The following RANBP2 variants were observed in gnomAD, a reference collection of about 807,000 sequenced individuals.
RANBP2 encodes E3 SUMO-protein ligase RanBP2.
RANBP2 carries 57 observed loss-of-function variants against 303.6 expected under a neutral mutation model. The observed-to-expected ratio is 0.19, with a 90% CI of 0.15 to 0.23. The LOEUF is 0.23. RANBP2 is among the 10% of genes least tolerant of loss of function. RANBP2 has a pLI of 1.00. For missense variants in RANBP2, 3,138 were observed against 3,780.8 expected (o/e 0.83, Z 4.46); for synonymous variants, 1,167 against 1,301.5 (o/e 0.90, Z 2.23).
At chr2:109,089,384 T>A in the RANBP2 span, among the ~76,000 whole-genome samples, 1 of 151,738 alleles carries the variant, frequency 6.6e-6, no homozygotes, top group African/African-American at 2.4e-5. Context: ...GGGAGGATAG[T>A]TTGAGCCCGG....
At chr2:108,897,732 T>C in the RANBP2 span, among the ~76,000 whole-genome samples, 1 of 152,204 alleles carries the variant, frequency 6.6e-6, no homozygotes, top group East Asian at 1.9e-4. Context: ...GTTCTTGGGC[T>C]TCACTGTACA....
chr2:109,257,400 G>A, the RANBP2 span, among the ~76,000 whole-genome samples: 1 of 151,384 alleles, frequency 6.6e-6, no homozygotes, highest in African/African-American at 2.4e-5. Context: ...GAAGGAGGGA[G>A]AGGAAGGGAA....
chr2:108,746,883 C>T (rs1253946193), intron 8 of RANBP2, 85 bp downstream of exon 8: 10 of 605,348 alleles, frequency 1.7e-5, no homozygotes, highest in South Asian at 4.2e-5. Context: ...CTTCATCTGT[C>T]CAGGAGATAA....
the RANBP2 span, among the ~76,000 whole-genome samples, chr2:108,999,477 T>A: frequency 6.6e-6 from 1 of 152,234 alleles, no homozygotes; most frequent in Non-Finnish European, 1.5e-5. Flanking sequence ...CCCACACATC[T>A]AACTGAGCAA....
intron 1 of RANBP2, among the ~76,000 whole-genome samples, chr2:108,728,667 G>A (rs1206819618): frequency 1.3e-5 from 2 of 151,728 alleles, no homozygotes; most frequent in East Asian, 1.9e-4. Flanking sequence ...TCGCTCTGTC[G>A]CCCAGGCTGG....
At chr2:109,203,549 C>A in the RANBP2 span, among the ~76,000 whole-genome samples, 1 of 152,160 alleles carries the variant, frequency 6.6e-6, no homozygotes, top group East Asian at 1.9e-4. Context: ...CATTTGGAGC[C>A]CTCTGGGACT....
At chr2:109,415,257 G>A in the RANBP2 span, among the ~76,000 whole-genome samples, 2 of 152,216 alleles carry the variant, frequency 1.3e-5, no homozygotes, top group African/African-American at 4.8e-5. Flanking sequence ...TGAGTCTGTG[G>A]CTGTTTGTTT....
chr2:109,304,555 G>A, the RANBP2 span, among the ~76,000 whole-genome samples: 1 of 152,156 alleles, frequency 6.6e-6, no homozygotes, highest in African/African-American at 2.4e-5. Flanking sequence ...GGGTAAGAGT[G>A]GTTAACTCCG....
the RANBP2 span, among the ~76,000 whole-genome samples, chr2:109,115,125 G>C: frequency 6.6e-6 from 1 of 152,106 alleles, no homozygotes; most frequent in Non-Finnish European, 1.5e-5. Context: ...TTGGGGTGGA[G>C]ACTGTAGATG....
chr2:109,050,199 C>T, the RANBP2 span, among the ~76,000 whole-genome samples: 1 of 152,050 alleles, frequency 6.6e-6, no homozygotes, highest in African/African-American at 2.4e-5. Context: ...AATAATGTCA[C>T]TTTGGATATA....
the RANBP2 span, among the ~76,000 whole-genome samples, chr2:108,907,214 G>C: frequency 6.6e-6 from 1 of 152,228 alleles, no homozygotes; most frequent in African/African-American, 2.4e-5. Flanking sequence ...TTGTGTGTGT[G>C]TGTGTCTAGA....
At chr2:108,756,282 A>G (rs1676311464) in intron 17 of RANBP2, among the ~76,000 whole-genome samples, 1 of 152,220 alleles carries the variant, frequency 6.6e-6, no homozygotes, top group South Asian at 2.1e-4. Flanking sequence ...AAGTCTTACT[A>G]TATTTTAATA....
At chr2:108,833,725 A>G in the RANBP2 span, among the ~76,000 whole-genome samples, 1 of 114,814 alleles carries the variant, frequency 8.7e-6, no homozygotes, top group Admixed American at 1.3e-4. Flanking sequence ...TGTGGAGTAA[A>G]CTTTTTTTTT....
the RANBP2 span, among the ~76,000 whole-genome samples, chr2:108,949,245 G>A: frequency 2.2e-4 from 34 of 152,184 alleles, no homozygotes; most frequent in Admixed American, 2.2e-3. Flanking sequence ...CCCTCCCAAA[G>A]TGCTAGGATT....
the RANBP2 span, among the ~76,000 whole-genome samples, chr2:108,964,724 G>A: frequency 3.9e-5 from 6 of 152,178 alleles, no homozygotes; most frequent in Non-Finnish European, 7.3e-5. Context: ...CACACTCTCC[G>A]TTACGCCACA....
At chr2:109,118,501 C>T in the RANBP2 span, among the ~76,000 whole-genome samples, 74 of 149,776 alleles carry the variant, frequency 4.9e-4, no homozygotes, top group African/African-American at 1.6e-3. Context: ...GCTGAGTGTC[C>T]GACTGCCTAC....
At chr2:109,366,706 A>G in the RANBP2 span, among the ~76,000 whole-genome samples, 2 of 152,132 alleles carry the variant, frequency 1.3e-5, no homozygotes, top group Non-Finnish European at 1.5e-5. Flanking sequence ...CAACAAAATT[A>G]GCTGCGTGTG....
chr2:109,196,915 A>G, the RANBP2 span, among the ~76,000 whole-genome samples: 3 of 152,184 alleles, frequency 2.0e-5, no homozygotes, highest in African/African-American at 7.2e-5. Context: ...GGCTGGCACT[A>G]CTTGCTGAGT....
At chr2:109,424,285 G>A in the RANBP2 span, among the ~76,000 whole-genome samples, 18 of 152,220 alleles carry the variant, frequency 1.2e-4, no homozygotes, top group Admixed American at 6.5e-4. Flanking sequence ...CATGGGTGAT[G>A]CTGCACCCTG....
Sources: gnomAD v4.1 joint callset for allele counts (sites outside exome capture counted in the v4.1 genomes callset) on GRCh38, gnomAD v4.1.1 for gene constraint, MANE v1.5 for transcripts, NCBI Gene and HGNC (gene_info 2026-07-23, HGNC 2026-07-21) for gene names.